Variants in CCDC148 observed in about 807,000 individuals in gnomAD.
CCDC148 encodes coiled-coil domain containing 148, also known as coiled-coil domain-containing protein 148.
A neutral mutation model predicts 85.7 loss-of-function variants in CCDC148; 89 were observed. That is an observed-to-expected ratio of 1.04 (90% CI 0.87 to 1.24). The LOEUF (loss-of-function observed/expected upper bound fraction) is 1.24. Ranked by LOEUF, CCDC148 falls within the 50% of genes most tolerant of loss-of-function variation. CCDC148 has a pLI of 0.00. For synonymous variants in CCDC148, 230 were observed against 213.9 expected (o/e 1.08, Z -0.66); for missense variants, 692 against 671.7 (o/e 1.03, Z -0.33).
At chr2:158,279,795 G>A (rs539725623) in intron 9 of CCDC148, among the ~76,000 whole-genome samples, 76 of 151,886 alleles carry the variant, frequency 5.0e-4, no homozygotes, top group Admixed American at 1.3e-3. Flanking sequence ...GATACTCCTC[G>A]AGAAGACCAA....
chr2:158,257,861 A>G (rs1449698532), intron 9 of CCDC148, among the ~76,000 whole-genome samples: 2 of 151,910 alleles, frequency 1.3e-5, no homozygotes, highest in East Asian at 1.9e-4. Flanking sequence ...CTAAATGCCA[A>G]TAAGCAGAAA....
At chr2:158,399,280 C>T (rs12052669) in intron 1 of CCDC148, among the ~76,000 whole-genome samples, 81,997 of 151,910 alleles carry the variant, frequency 0.54, 22,610 homozygotes, top group South Asian at 0.73. Context: ...TTTATGAGGC[C>T]AGCATCATCC....
chr2:158,246,141 GCA>G (rs1307998919), intron 10 of CCDC148, among the ~76,000 whole-genome samples: 1 of 152,098 alleles, frequency 6.6e-6, no homozygotes, highest in Non-Finnish European at 1.5e-5. Context: ...TTTGCACATG[GCA>G]CAGTTTCTCT....
chr2:158,335,332 T>C (rs376515165), intron 7 of CCDC148, among the ~76,000 whole-genome samples: 36 of 152,326 alleles, frequency 2.4e-4, no homozygotes, highest in African/African-American at 8.4e-4. Context: ...TCAAAGTTCA[T>C]AGTGAATTTT....
chr2:158,424,681 C>T (rs984788474), intron 1 of CCDC148: 12 of 194,802 alleles, frequency 6.2e-5, no homozygotes, highest in African/African-American at 1.7e-4. Flanking sequence ...CAAACCTGCA[C>T]GTTATGCACA....
chr2:158,264,544 C>T (rs2105155842), intron 9 of CCDC148, among the ~76,000 whole-genome samples: 1 of 152,100 alleles, frequency 6.6e-6, no homozygotes, highest in South Asian at 2.1e-4. Flanking sequence ...CTAGAAAGAA[C>T]AGTCAGAATA....
rs1574328730 is a variant in CCDC148, at chr2:158,171,587, A to G, written c.*526T>C. 1 of 152,008 alleles carries G rather than the reference A, an allele frequency of 6.6e-6. No individual in the cohort carries two copies. The highest frequency in any genetic ancestry group is 1.9e-4 in the East Asian group (1 of 5,142). 9.4% of individuals were successfully genotyped at this position (152,008 alleles called of 1,614,324 possible). The stretch of plus-strand genomic sequence containing the variant: ...TTCTTAAGGGCTAATTTGCAAAATG[A>G]AATTGTTTGGATGATTGGTTTGCAG... On this transcript the variant is annotated 3_prime_UTR_variant, in exon 14 of 14. Coordinates refer to ENST00000283233, the MANE Select transcript of CCDC148 (RefSeq NM_138803.4).
intron 1 of CCDC148, among the ~76,000 whole-genome samples, chr2:158,385,084 G>A (rs1014740416): frequency 1.3e-5 from 2 of 152,130 alleles, no homozygotes; most frequent in Non-Finnish European, 2.9e-5. Context: ...CATTCCTCAT[G>A]TGGCCCTCTC....
At chr2:158,273,389 A>G (rs1293289884) in intron 9 of CCDC148, among the ~76,000 whole-genome samples, 2 of 152,148 alleles carry the variant, frequency 1.3e-5, no homozygotes, top group Non-Finnish European at 2.9e-5. Flanking sequence ...TTTGTGTAAA[A>G]ATGTTATTGC....
chr2:158,436,294 A>C (rs1687648185), intron 1 of CCDC148, among the ~76,000 whole-genome samples: 1 of 152,248 alleles, frequency 6.6e-6, no homozygotes, highest in Non-Finnish European at 1.5e-5. Context: ...ACCACAGTGC[A>C]ATCAAACTAG....
At chr2:158,317,267 G>A (rs4581847) in intron 7 of CCDC148, among the ~76,000 whole-genome samples, 128,406 of 152,182 alleles carry the variant, frequency 0.84, 55,079 homozygotes, top group East Asian at 0.98. Context: ...CTTTTTGTCC[G>A]TCTAAACTTT....
rs1553521584 is a variant in CCDC148, at chr2:158,433,091, A to AAT, written c.25+23322_25+23323dup. Among the ~76,000 whole-genome samples the AAT allele has an allele frequency of 3.5e-3, 181 of 51,330 alleles. 6 individuals are homozygous for AAT. Among genetic ancestry groups the AAT allele is most frequent in the African/African-American group, 7.8e-3 (142 of 18,212 alleles). The allele number at this position is 51,330 out of a possible 152,430, so 33.7% of individuals were successfully genotyped here. On this transcript the variant is annotated intron_variant, in intron 1 of 13. Coordinates refer to ENST00000283233, the MANE Select transcript of CCDC148 (RefSeq NM_138803.4). ...CATCTCTACAAAAAAAAAAAAAAAA[A>AAT]ATATATATATATATATATATGACTT...
chr2:158,421,552 C>A (rs1686782662), intron 1 of CCDC148, among the ~76,000 whole-genome samples: 1 of 152,142 alleles, frequency 6.6e-6, no homozygotes, highest in Non-Finnish European at 1.5e-5. Context: ...AGAACAAAGA[C>A]ACAACATACC....
chr2:158,427,865 T>A (rs189906811), intron 1 of CCDC148, among the ~76,000 whole-genome samples: 1 of 151,846 alleles, frequency 6.6e-6, no homozygotes, highest in Non-Finnish European at 1.5e-5. Flanking sequence ...GGTAAGACTT[T>A]ACTGAAAAAA....
chr2:158,277,434 C>A (rs116153536), intron 9 of CCDC148, among the ~76,000 whole-genome samples: 1 of 152,154 alleles, frequency 6.6e-6, no homozygotes, highest in African/African-American at 2.4e-5. Context: ...AATGATTGAT[C>A]TAAATATATA....
rs187468957 is a variant in CCDC148, at chr2:158,332,064, T to G, written c.764+6662A>C. ...TCCTGTCATTATGATGTTAGCTGGT[T>G]ATTTTGCTCGTTAGTTGATGCAGTT... On this transcript the variant is annotated intron_variant, in intron 7 of 13. Transcript: ENST00000283233. 5.2e-3 allele frequency among the ~76,000 whole-genome samples: 793 copies of G among 152,264 alleles called. 2 individuals carry two copies. Among genetic ancestry groups the G allele is most frequent in the Middle Eastern group, 0.027 (8 of 294 alleles).
intron 1 of CCDC148, among the ~76,000 whole-genome samples, chr2:158,442,763 A>G (rs1480599134): frequency 1.3e-5 from 2 of 152,218 alleles, no homozygotes; most frequent in Non-Finnish European, 2.9e-5. Context: ...GTCAATAGCA[A>G]TTACTATGTG....
chr2:158,399,848 G>A (rs1277958998), intron 1 of CCDC148, among the ~76,000 whole-genome samples: 2 of 151,798 alleles, frequency 1.3e-5, no homozygotes, highest in African/African-American at 4.8e-5. Context: ...TCTGTTTGCA[G>A]ATGACATGAT....
chr2:158,443,143 A>G (rs1334458841), intron 1 of CCDC148, among the ~76,000 whole-genome samples: 1 of 152,096 alleles, frequency 6.6e-6, no homozygotes, highest in African/African-American at 2.4e-5. Flanking sequence ...AAGTAGGAGT[A>G]AAGGGGAAAG....
Sources: gnomAD v4.1 joint callset for allele counts (sites outside exome capture counted in the v4.1 genomes callset) on GRCh38, gnomAD v4.1.1 for gene constraint, MANE v1.5 for transcripts, NCBI Gene and HGNC (gene_info 2026-07-23, HGNC 2026-07-21) for gene names.